Variants in DZIP3 observed in about 807,000 individuals in gnomAD.
DZIP3 encodes the protein DAZ interacting zinc finger protein 3.
DZIP3 carries 118 observed loss-of-function variants against 162.0 expected under a neutral mutation model. The ratio of observed to expected loss-of-function variants is 0.73; its 90% CI spans 0.63 to 0.85. The LOEUF (loss-of-function observed/expected upper bound fraction) is 0.85. DZIP3 is among the 40% of genes least tolerant of loss of function. The probability of loss-of-function intolerance (pLI) is 0.00; values close to 1 mark genes in which losing one functional copy is unlikely to be tolerated. For missense variants in DZIP3, 1,331 were observed against 1,407.0 expected (o/e 0.95, Z 0.86); for synonymous variants, 438 against 458.6 (o/e 0.96, Z 0.57).
At chr3:108,690,973 CTA>C in intron 32 of DZIP3, 70 bp downstream of exon 32, 1 of 1,307,186 alleles carries the variant, frequency 7.7e-7, no homozygotes, top group Admixed American at 1.9e-5. Context: ...TGGTGTAAAA[CTA>C]TGTGCTCTTC....
chr3:108,631,582 CCTTT>C lies in DZIP3; in HGVS notation c.697-1370_697-1367del, dbSNP rs1179650533. On this transcript the variant is annotated intron_variant, in intron 8 of 32. Coordinates refer to ENST00000361582, the MANE Select transcript of DZIP3 (RefSeq NM_014648.4). ...ATTATTATTATTATTATTATTATTCCCTTTTTTTTTTTTTTTTTTTTTTAGTAAA... is the reference window on the plus strand; with the variant it reads ...ATTATTATTATTATTATTATTATTCCTTTTTTTTTTTTTTTTTTTAGTAAA... Among the ~76,000 whole-genome samples, 176 of 128,892 alleles carry C rather than the reference CCTTT, an allele frequency of 1.4e-3. 1 individual carries two copies. The Middle Eastern group carries it at 0.017, about 12-fold the overall frequency. The allele number at this position is 128,892 out of a possible 152,430, so 84.6% of individuals were successfully genotyped here. A position where few individuals can be genotyped will look rare whatever the true frequency, so the allele number is the denominator to read the frequency against.
chr3:108,629,967 TA>T (rs1221791948), intron 8 of DZIP3, among the ~76,000 whole-genome samples: 1 of 152,094 alleles, frequency 6.6e-6, no homozygotes, highest in Non-Finnish European at 1.5e-5. Context: ...CCTTCTTATA[TA>T]AAGTGATCTT....
chr3:108,632,855 T>G (rs1236937711), intron 8 of DZIP3, 98 bp from the exon 9 acceptor site: 12 of 613,372 alleles, frequency 2.0e-5, no homozygotes, highest in Non-Finnish European at 2.5e-6. Context: ...AGGGATATGA[T>G]ATGGACATAT....
chr3:108,609,287 C>T (rs919172152), intron 3 of DZIP3, among the ~76,000 whole-genome samples: 4 of 152,028 alleles, frequency 2.6e-5, no homozygotes, highest in Non-Finnish European at 5.9e-5. Flanking sequence ...AAAATAAGCA[C>T]GGTATTCACC....
Position 108,688,656 on chromosome 3 carries a change from G to T in DZIP3, c.3334G>T (p.Asp1112Tyr), listed in dbSNP as rs751997926. The T allele has an allele frequency of 3.7e-6, 6 of 1,614,006 alleles. No homozygotes were observed. In the African/African-American group the frequency reaches 8.0e-5, roughly 22 times the overall value. The change falls in exon 30 of 33, where the codon GAT becomes TAT. Residue 1112 changes from aspartate to tyrosine, a missense_variant. By Grantham distance (160) the Asp-to-Tyr change is radical. Transcript: ENST00000361582. The stretch of plus-strand genomic sequence containing the variant: ...ACCTAGTCATTCTCCATCACAGCCT[G>T]ATGCTGCCCAGCCCCCAAAACCAGC... Reference protein sequence around the residue: ...VSPSHSPSQPDAAQPPKPAWR... With the variant: ...VSPSHSPSQPYAAQPPKPAWR...
chr3:108,689,940 G>T (rs891632069), intron 31 of DZIP3, among the ~76,000 whole-genome samples: 1 of 152,008 alleles, frequency 6.6e-6, no homozygotes, highest in Non-Finnish European at 1.5e-5. Flanking sequence ...TATGATATGT[G>T]GTACCTGGTA....
At chr3:108,631,045 A>ACT (rs1273420432) in intron 8 of DZIP3, among the ~76,000 whole-genome samples, 83 of 81,824 alleles carry the variant, frequency 1.0e-3, no homozygotes, top group Non-Finnish European at 1.4e-3. Flanking sequence ...ACACACACAC[A>ACT]CACACACACA....
chr3:108,639,235 GA>G (rs760696326), intron 12 of DZIP3, among the ~76,000 whole-genome samples: 1 of 152,196 alleles, frequency 6.6e-6, no homozygotes, highest in Non-Finnish European at 1.5e-5. Context: ...ATGAGGGCAA[GA>G]ACTTTATCTT....
intron 3 of DZIP3, among the ~76,000 whole-genome samples, chr3:108,608,701 A>G (rs985876576): frequency 6.6e-6 from 1 of 152,184 alleles, no homozygotes; most frequent in East Asian, 1.9e-4. Context: ...TAGTTGTATG[A>G]ACATCATATG....
At chr3:108,688,481 T>G (rs1944574245) in intron 29 of DZIP3, 112 bp from the exon 30 acceptor site, 1 of 1,211,152 alleles carries the variant, frequency 8.3e-7, no homozygotes, top group East Asian at 2.5e-5. Context: ...CTCACAAATC[T>G]GATTATTTAC....
At chr3:108,606,364 C>G (rs1014981157) in intron 2 of DZIP3, among the ~76,000 whole-genome samples, 1 of 152,076 alleles carries the variant, frequency 6.6e-6, no homozygotes, top group Non-Finnish European at 1.5e-5. Context: ...AGCAGTGTGA[C>G]TTATTAATTT....
intron 5 of DZIP3, among the ~76,000 whole-genome samples, chr3:108,621,973 G>A (rs986312764): frequency 2.0e-4 from 30 of 151,920 alleles, no homozygotes; most frequent in African/African-American, 7.0e-4. Context: ...TGAGATGGGA[G>A]GATCACTTGA....
chr3:108,668,550 C>CAA (rs1217987650), intron 21 of DZIP3, among the ~76,000 whole-genome samples: 6 of 151,922 alleles, frequency 3.9e-5, no homozygotes, highest in Non-Finnish European at 7.4e-5. Context: ...TGGAAGTATA[C>CAA]AAAGGAAAAC....
chr3:108,625,090 A>T (rs1206200764), intron 6 of DZIP3, among the ~76,000 whole-genome samples: 1 of 152,200 alleles, frequency 6.6e-6, no homozygotes. Flanking sequence ...TTAATGTAGT[A>T]CTAATTGTTT....
At chr3:108,636,138 A>G (rs929330604) in intron 10 of DZIP3, among the ~76,000 whole-genome samples, 3 of 152,006 alleles carry the variant, frequency 2.0e-5, no homozygotes, top group African/African-American at 7.2e-5. Flanking sequence ...TATATACTTT[A>G]CAATTTCCTT....
intron 8 of DZIP3, among the ~76,000 whole-genome samples, chr3:108,631,093 T>TCTCC (rs1235604547): frequency 3.5e-5 from 5 of 144,816 alleles, no homozygotes; most frequent in African/African-American, 1.3e-4. Flanking sequence ...TCTCTCTCTC[T>TCTCC]CCTATCCTAC....
At chr3:108,689,048 T>TC in intron 31 of DZIP3, 124 bp downstream of exon 31, 1 of 915,596 alleles carries the variant, frequency 1.1e-6, no homozygotes, top group Non-Finnish European at 1.7e-6. Context: ...CTCTGAGCTT[T>TC]TGGGTACCAC....
intron 21 of DZIP3, among the ~76,000 whole-genome samples, chr3:108,662,737 C>T (rs1943498915): frequency 2.0e-5 from 3 of 152,184 alleles, no homozygotes; most frequent in Admixed American, 1.3e-4. Context: ...ACCCCAATCT[C>T]TTTTCTCCTA....
chr3:108,666,571 C>A (rs972314683), intron 21 of DZIP3, among the ~76,000 whole-genome samples: 2 of 152,094 alleles, frequency 1.3e-5, no homozygotes, highest in African/African-American at 4.8e-5. Context: ...ACACCCCACC[C>A]GACAACAGTA....
Sources: gnomAD v4.1 joint callset for allele counts (sites outside exome capture counted in the v4.1 genomes callset) on GRCh38, gnomAD v4.1.1 for gene constraint, MANE v1.5 for transcripts, NCBI Gene and HGNC (gene_info 2026-07-23, HGNC 2026-07-21) for gene names.